DMD: variants seen among roughly 807,000 people sequenced by gnomAD.
The protein encoded by DMD is mutant dystrophin.
Under a neutral mutation model 330.1 loss-of-function variants are expected in DMD, and 63 were observed. The ratio of observed to expected loss-of-function variants is 0.19; its 90% CI spans 0.16 to 0.24. The LOEUF is 0.24. Ranked by LOEUF, DMD falls within the 10% of genes least tolerant of loss-of-function variation. The pLI, the probability that DMD is intolerant of heterozygous loss-of-function variation, is 1.00. For synonymous variants in DMD, 1,223 were observed against 959.8 expected (o/e 1.27, Z -5.07); for missense variants, 3,344 against 2,684.1 (o/e 1.25, Z -5.43).
intron 1 of DMD, among the ~76,000 whole-genome samples, chrX:33,319,239 C>T (rs770307784): frequency 8.1e-5 from 9 of 110,858 alleles, no homozygotes; most frequent in African/African-American, 1.6e-4. Context: ...TTTTAGTTTA[C>T]GCCACCCAGT....
chrX:31,187,333 C>G (rs2041863399), intron 67 of DMD, among the ~76,000 whole-genome samples: 1 of 112,172 alleles, frequency 8.9e-6, no homozygotes, highest in Non-Finnish European at 1.9e-5. Context: ...CTGTCCATGC[C>G]TCTTCATTCC....
chrX:33,273,539 C>G (rs1413121009), intron 1 of DMD, among the ~76,000 whole-genome samples: 3 of 112,279 alleles, frequency 2.7e-5, no homozygotes, highest in African/African-American at 6.5e-5. Flanking sequence ...TTCTTGACTT[C>G]AAATATCAAA....
intron 9 of DMD, among the ~76,000 whole-genome samples, chrX:32,682,541 T>G (rs2062509030): frequency 9.0e-6 from 1 of 111,565 alleles, no homozygotes; most frequent in African/African-American, 3.3e-5. Flanking sequence ...TTTTAGCAAG[T>G]TAACTTAGTT....
intron 4 of DMD, among the ~76,000 whole-genome samples, chrX:32,842,770 G>A (rs2080282419): frequency 9.0e-6 from 1 of 110,927 alleles, no homozygotes; most frequent in African/African-American, 3.3e-5. Context: ...TTCTGTGGCT[G>A]CATAGTATTG....
At position 32,870,981 on chromosome X, in the gene DMD, A is replaced by AAAAAAAAAAAAAAAAAAG. The variant is rs1569537090; in HGVS notation, c.94-21162_94-21161insCTTTTTTTTTTTTTTTTT. 3.6e-5 allele frequency among the ~76,000 whole-genome samples: 3 copies of AAAAAAAAAAAAAAAAAAG among 82,578 alleles called. 1 individual carries two copies. The highest frequency in any genetic ancestry group is 7.8e-4 in the East Asian group (2 of 2,573). 71.7% of individuals were successfully genotyped at this position (82,578 alleles called of 115,157 possible). The stretch of plus-strand genomic sequence containing the variant: ...AGCAAAAAAAAAAAAAAAAAAAAAA[A>AAAAAAAAAAAAAAAAAAG]AAAAAAACCACAAAACCCATCATCA... On this transcript the variant is annotated intron_variant, in intron 2 of 78. Transcript: ENST00000357033.
At chrX:31,245,080 C>T (rs4382625) in intron 63 of DMD, among the ~76,000 whole-genome samples, 3 of 110,737 alleles carry the variant, frequency 2.7e-5, no homozygotes, top group Non-Finnish European at 5.7e-5. Flanking sequence ...ACACTTTTTA[C>T]GGGTCTTATT....
intron 1 of DMD, among the ~76,000 whole-genome samples, chrX:33,220,939 T>C (rs2052162712): frequency 9.0e-6 from 1 of 111,609 alleles, no homozygotes; most frequent in Non-Finnish European, 1.9e-5. Flanking sequence ...AGGAGTTTAG[T>C]GATATCAGTT....
chrX:32,691,675 G>A (rs769906877), intron 9 of DMD, among the ~76,000 whole-genome samples: 129 of 111,401 alleles, frequency 1.2e-3, no homozygotes, highest in African/African-American at 3.7e-3. Flanking sequence ...CAAAAGAATT[G>A]AAATCAGGAT....
At chrX:32,813,760 G>A (rs1292919030) in intron 6 of DMD, among the ~76,000 whole-genome samples, 1 of 111,336 alleles carries the variant, frequency 9.0e-6, no homozygotes, top group African/African-American at 3.3e-5. Flanking sequence ...GAGTAAGAAT[G>A]TGTGATGATT....
At chrX:32,281,595 A>G (rs1231463045) in intron 43 of DMD, among the ~76,000 whole-genome samples, 5 of 111,443 alleles carry the variant, frequency 4.5e-5, no homozygotes, top group African/African-American at 1.3e-4. Flanking sequence ...TGTTAATCAC[A>G]ACTCACAAAG....
chrX:31,794,045 T>G (rs1171152850), intron 50 of DMD, among the ~76,000 whole-genome samples: 1 of 110,983 alleles, frequency 9.0e-6, no homozygotes, highest in Non-Finnish European at 1.9e-5. Context: ...CAATTCTATA[T>G]CTTGAAAAAA....
At chrX:32,169,083 G>A (rs192145112) in intron 44 of DMD, among the ~76,000 whole-genome samples, 5 of 111,631 alleles carry the variant, frequency 4.5e-5, no homozygotes, top group Admixed American at 2.9e-4. Flanking sequence ...TTCATACCTG[G>A]AGAAGGAGAT....
At chrX:32,364,807 G>A in intron 35 of DMD, 97 bp from the exon 36 acceptor site, 1 of 979,447 alleles carries the variant, frequency 1.0e-6, no homozygotes, top group Non-Finnish European at 1.4e-6. Flanking sequence ...CAACAATAAA[G>A]TTTCATTGAG....
At chrX:31,171,289 T>C (rs187518458) in intron 73 of DMD, among the ~76,000 whole-genome samples, 1 of 112,041 alleles carries the variant, frequency 8.9e-6, no homozygotes, top group East Asian at 2.8e-4. Context: ...ATGTACCAGA[T>C]GAGATTATTT....
intron 43 of DMD, among the ~76,000 whole-genome samples, chrX:32,218,507 T>G (rs2097121548): frequency 2.7e-5 from 3 of 111,918 alleles, no homozygotes; most frequent in East Asian, 2.8e-4. Context: ...ATCATACTTT[T>G]GAATACCATG....
At chrX:32,579,968 T>G (rs1482569255) in intron 13 of DMD, among the ~76,000 whole-genome samples, 1 of 111,543 alleles carries the variant, frequency 9.0e-6, no homozygotes, top group Non-Finnish European at 1.9e-5. Context: ...AAGCCTTTTG[T>G]TGTTGTCACT....
intron 13 of DMD, among the ~76,000 whole-genome samples, chrX:32,587,099 TCTTTCTC>T (rs2054375083): frequency 8.9e-6 from 1 of 111,794 alleles, no homozygotes; most frequent in African/African-American, 3.2e-5. Context: ...TATAAAATTT[TCTTTCTC>T]ATACTATCCC....
chrX:32,255,967 T>C (rs964820295), intron 43 of DMD, among the ~76,000 whole-genome samples: 2 of 111,501 alleles, frequency 1.8e-5, no homozygotes. Flanking sequence ...TCCAAAAGCT[T>C]GGATTTAAAA....
intron 44 of DMD, among the ~76,000 whole-genome samples, chrX:32,054,071 ATGTG>A (rs746629793): frequency 4.7e-4 from 35 of 75,115 alleles, no homozygotes; most frequent in African/African-American, 1.5e-3. Flanking sequence ...TATGTGGGGT[ATGTG>A]TGTGTGTGTG....
Sources: gnomAD v4.1 joint callset for allele counts (sites outside exome capture counted in the v4.1 genomes callset) on GRCh38, gnomAD v4.1.1 for gene constraint, MANE v1.5 for transcripts, NCBI Gene and HGNC (gene_info 2026-07-23, HGNC 2026-07-21) for gene names.